CSMD3: variants seen among roughly 807,000 people sequenced by gnomAD.
CSMD3 encodes the protein CUB and Sushi multiple domains 3.
Under a neutral mutation model 435.2 loss-of-function variants are expected in CSMD3, and 177 were observed. That is an observed-to-expected ratio of 0.41 (90% confidence interval 0.36 to 0.46). CSMD3 has a LOEUF of 0.46. CSMD3 is among the 20% of genes least tolerant of loss of function. CSMD3 has a pLI of 0.34. For synonymous variants in CSMD3, 1,656 were observed against 1,520.5 expected (o/e 1.09, Z -2.07); for missense variants, 4,265 against 4,504.6 (o/e 0.95, Z 1.52).
chr8:113,253,205 G>A (rs1399953357), intron 3 of CSMD3, among the ~76,000 whole-genome samples: 5 of 151,720 alleles, frequency 3.3e-5, no homozygotes, highest in African/African-American at 1.2e-4. Flanking sequence ...GGGGACATCA[G>A]GACAAGTTAG....
intron 37 of CSMD3, among the ~76,000 whole-genome samples, chr8:112,382,505 C>G (rs1036213496): frequency 6.6e-6 from 1 of 152,020 alleles, no homozygotes; most frequent in East Asian, 1.9e-4. Flanking sequence ...ATTTAAAAAT[C>G]TCTTAAAAGC....
intron 6 of CSMD3, among the ~76,000 whole-genome samples, chr8:113,001,590 C>T (rs1482149353): frequency 2.6e-5 from 4 of 152,048 alleles, no homozygotes; most frequent in Non-Finnish European, 5.9e-5. Context: ...CCAGCCCCTT[C>T]CATTTTTTCC....
intron 8 of CSMD3, among the ~76,000 whole-genome samples, chr8:112,953,970 A>G (rs537572489): frequency 4.2e-4 from 64 of 151,640 alleles, no homozygotes; most frequent in Non-Finnish European, 7.3e-4. Context: ...AATATGCAAC[A>G]GTATTGTTGA....
At chr8:113,231,079 A>G (rs1563577936) in intron 3 of CSMD3, among the ~76,000 whole-genome samples, 1 of 151,412 alleles carries the variant, frequency 6.6e-6, no homozygotes, top group Non-Finnish European at 1.5e-5. Flanking sequence ...TTCATGCAAT[A>G]CTTCTGTATT....
At chr8:113,327,664 C>T (rs2093993297) in intron 1 of CSMD3, among the ~76,000 whole-genome samples, 1 of 152,058 alleles carries the variant, frequency 6.6e-6, no homozygotes, top group Non-Finnish European at 1.5e-5. Context: ...CGCTATTTAA[C>T]CTATCTTGCA....
rs141793729 is a variant in CSMD3 at position 112,463,289 on chromosome 8, G to A, written c.5395+9302C>T. On this transcript the variant is annotated intron_variant, in intron 32 of 70. Transcript: ENST00000297405. ...AGACAAGAGAATCACTTGAACCCAA[G>A]AGGCAGAGGTTGCAGTGAGCCGAGG... 8.2e-3 allele frequency among the ~76,000 whole-genome samples: 1,242 copies of A among 152,304 alleles called. 24 individuals are homozygous for A. Among genetic ancestry groups the A allele is most frequent in the African/African-American group, 0.028 (1,153 of 41,578 alleles).
chr8:113,025,630 T>C (rs747205933), intron 5 of CSMD3, among the ~76,000 whole-genome samples: 2 of 152,086 alleles, frequency 1.3e-5, no homozygotes, highest in Non-Finnish European at 2.9e-5. Context: ...TTCGGGCAAA[T>C]GCTCACATAC....
intron 3 of CSMD3, among the ~76,000 whole-genome samples, chr8:113,266,819 A>G (rs1489492103): frequency 1.3e-5 from 2 of 151,582 alleles, no homozygotes; most frequent in East Asian, 3.9e-4. Context: ...AGTGGTTTTC[A>G]ATGTATATTC....
intron 37 of CSMD3, 124 bp downstream of exon 37, chr8:112,383,443 T>C (rs1829653818): frequency 1.5e-6 from 1 of 660,684 alleles, no homozygotes; most frequent in African/African-American, 1.8e-5. Flanking sequence ...AGTCCTTGTA[T>C]CTTTGTGTAT....
chr8:112,361,568 C>CATATATATATAT (rs1239098509), intron 38 of CSMD3, among the ~76,000 whole-genome samples: 2 of 35,594 alleles, frequency 5.6e-5, no homozygotes, highest in Admixed American at 3.0e-4. Flanking sequence ...TATATATACA[C>CATATATATATAT]ATACATATAT....
At chr8:113,161,635 A>G (rs2092041093) in intron 4 of CSMD3, among the ~76,000 whole-genome samples, 1 of 152,110 alleles carries the variant, frequency 6.6e-6, no homozygotes, top group Admixed American at 6.6e-5. Context: ...TATGATAGAT[A>G]CTTTTACCGG....
rs190621107 is a variant in CSMD3, at chr8:112,910,058, C to A, written c.1633+11569G>T. Among the ~76,000 whole-genome samples the A allele has an allele frequency of 1.2e-3, 184 of 151,852 alleles. 2 individuals are homozygous for A. The highest frequency in any genetic ancestry group is 4.2e-3 in the African/African-American group (173 of 41,472). On this transcript the variant is annotated intron_variant, in intron 10 of 70. Transcript: ENST00000297405. ...GAGACTCCCTAAGAAAACAGAGTGT[C>A]ATTTTAAGTTGTTTTCGGGATCCTC... is the stretch of plus-strand genomic sequence containing the variant.
At position 112,479,248 on chromosome 8, in the gene CSMD3, G is replaced by A. The variant is rs186063301; in HGVS notation, c.5279-6541C>T. 9.0e-4 allele frequency among the ~76,000 whole-genome samples: 137 copies of A among 152,340 alleles called. No individual in the cohort carries two copies. The East Asian group carries it at 0.015, about 16-fold the overall frequency. ...TCGTACATCACTATAGTTAGCTACA[G>A]GAGCAAAGACATGACTTAAAGTTGG... On this transcript the variant is annotated intron_variant, in intron 31 of 70. Transcript: ENST00000297405.
At chr8:112,547,239 T>C (rs1827260010) in intron 27 of CSMD3, among the ~76,000 whole-genome samples, 1 of 152,162 alleles carries the variant, frequency 6.6e-6, no homozygotes, top group African/African-American at 2.4e-5. Flanking sequence ...TAGTAAATTA[T>C]ATTATCACCC....
chr8:113,400,778 G>A (rs1341187868), intron 1 of CSMD3, among the ~76,000 whole-genome samples: 1 of 151,764 alleles, frequency 6.6e-6, no homozygotes, highest in Non-Finnish European at 1.5e-5. Flanking sequence ...TACAAACCCA[G>A]GAATTACAGG....
chr8:113,432,584 C>G (rs1215851892), intron 1 of CSMD3, among the ~76,000 whole-genome samples: 1 of 152,206 alleles, frequency 6.6e-6, no homozygotes, highest in Non-Finnish European at 1.5e-5. Flanking sequence ...GGGCTGCCCT[C>G]CTGCTGGCCT....
chr8:113,010,620 T>C (rs2086223152), intron 6 of CSMD3, among the ~76,000 whole-genome samples: 1 of 151,762 alleles, frequency 6.6e-6, no homozygotes, highest in Non-Finnish European at 1.5e-5. Flanking sequence ...CATTAAGTTG[T>C]ATGTGGATTT....
chr8:112,502,619 C>A (rs1822087216), intron 30 of CSMD3, among the ~76,000 whole-genome samples: 1 of 152,142 alleles, frequency 6.6e-6, no homozygotes, highest in South Asian at 2.1e-4. Flanking sequence ...AGAGACTAAC[C>A]CCTGTTCCTA....
chr8:112,723,458 G>C (rs1444892109), intron 13 of CSMD3, among the ~76,000 whole-genome samples: 1 of 152,152 alleles, frequency 6.6e-6, no homozygotes, highest in African/African-American at 2.4e-5. Context: ...AAATGGCTTA[G>C]TTGATATATT....
Sources: allele counts gnomAD v4.1 joint callset (sites outside exome capture counted in the v4.1 genomes callset), GRCh38; gene constraint gnomAD v4.1.1; transcripts MANE v1.5; gene names NCBI Gene and HGNC (gene_info 2026-07-23, HGNC 2026-07-21).